DISC1: variants seen among roughly 807,000 people sequenced by gnomAD.
DISC1 encodes the protein DISC1 scaffold protein.
A neutral mutation model predicts 84.5 loss-of-function variants in DISC1; 57 were observed. The observed-to-expected ratio is 0.67, with a 90% CI of 0.55 to 0.84. The LOEUF is 0.84. DISC1 is among the 40% of genes least tolerant of loss of function. DISC1 has a pLI of 0.00. For missense variants in DISC1, 1,000 were observed against 1,057.8 expected (o/e 0.95, Z 0.76); for synonymous variants, 411 against 415.2 (o/e 0.99, Z 0.12).
At chr1:231,686,919 C>G (rs2064349567) in intron 1 of DISC1, among the ~76,000 whole-genome samples, 1 of 152,164 alleles carries the variant, frequency 6.6e-6, no homozygotes, top group Non-Finnish European at 1.5e-5. Context: ...TTCCACAAAT[C>G]TCTAGGGCAG....
At chr1:231,760,122 G>A (rs1183593886) in intron 4 of DISC1, among the ~76,000 whole-genome samples, 2 of 152,144 alleles carry the variant, frequency 1.3e-5, no homozygotes, top group Non-Finnish European at 2.9e-5. Context: ...AACAATGAAA[G>A]TCAGTTTCCT....
chr1:231,866,807 A>T, intron 9 of DISC1: 3 of 1,043,462 alleles, frequency 2.9e-6, no homozygotes, highest in African/African-American at 3.2e-5. Context: ...AAGTCATGAT[A>T]GTTTCTTAAT....
chr1:231,755,220 T>C (rs371764614), intron 4 of DISC1, among the ~76,000 whole-genome samples: 4 of 152,054 alleles, frequency 2.6e-5, no homozygotes, highest in Non-Finnish European at 4.4e-5. Context: ...TAATTTTTTT[T>C]TTTTGAGACA....
chr1:232,026,393 C>CA, intron 11 of DISC1, 42 bp from the exon 12 acceptor site: 5 of 1,375,410 alleles, frequency 3.6e-6, no homozygotes, highest in Non-Finnish European at 5.1e-6. Flanking sequence ...CTGTCTGTGT[C>CA]CACGGCACTA....
chr1:231,661,168 C>G (rs555044209), intron 1 of DISC1, among the ~76,000 whole-genome samples: 20 of 151,964 alleles, frequency 1.3e-4, no homozygotes, highest in African/African-American at 3.9e-4. Context: ...TTCTGGCTGC[C>G]CTTCACTTTT....
At chr1:231,888,552 G>A (rs978583664) in intron 9 of DISC1, among the ~76,000 whole-genome samples, 8 of 151,496 alleles carry the variant, frequency 5.3e-5, no homozygotes, top group South Asian at 2.1e-4. Flanking sequence ...TGGCTAACAC[G>A]GTGAAACCCC....
rs370699793 is a variant in DISC1, at chr1:231,895,501, G to A, written c.1982-63327G>A. Among the ~76,000 whole-genome samples, 8 of 151,882 alleles carry A rather than the reference G, an allele frequency of 5.3e-5. No individual in the cohort carries two copies. In the East Asian group the frequency reaches 9.7e-4, roughly 18 times the overall value. ...CTTACATTTTTCCCTCCTGTCATTT[G>A]TGTTACAGTTGTCATACTTTTACTT... On this transcript the variant is annotated intron_variant, in intron 9 of 12. Transcript: ENST00000439617.
At chr1:231,808,601 A>G (rs1005533306) in intron 8 of DISC1, among the ~76,000 whole-genome samples, 1 of 152,228 alleles carries the variant, frequency 6.6e-6, no homozygotes, top group Non-Finnish European at 1.5e-5. Context: ...GGAGATGGAC[A>G]TGGTATTTAC....
chr1:231,709,977 C>A (rs934462344), intron 3 of DISC1, among the ~76,000 whole-genome samples: 2 of 152,148 alleles, frequency 1.3e-5, no homozygotes, highest in African/African-American at 4.8e-5. Flanking sequence ...AGGAGGCTGC[C>A]TGGGATTCCA....
chr1:232,002,864 G>C (rs1558825884), intron 10 of DISC1, among the ~76,000 whole-genome samples: 1 of 152,016 alleles, frequency 6.6e-6, no homozygotes, highest in Non-Finnish European at 1.5e-5. Context: ...ACTTACATAA[G>C]TGATAAAATC....
chr1:231,904,998 T>C (rs1031145433), intron 9 of DISC1, among the ~76,000 whole-genome samples: 1 of 152,222 alleles, frequency 6.6e-6, no homozygotes, highest in Admixed American at 6.5e-5. Flanking sequence ...GAAGGTTTGA[T>C]GAGGAATGGA....
In DISC1 at chr1:231,982,101, A is replaced by G. The variant is rs528648095; in HGVS notation, c.2042+23213A>G. On this transcript the variant is annotated intron_variant, in intron 10 of 12. Coordinates refer to ENST00000439617, the MANE Select transcript of DISC1 (RefSeq NM_018662.3). ...ATGATTCCATGGAAAGCTGACCAGAATGATGATACTATTAGAGAAGAGAGA... is the reference window on the plus strand; with the variant it reads ...ATGATTCCATGGAAAGCTGACCAGAGTGATGATACTATTAGAGAAGAGAGA... Among the ~76,000 whole-genome samples the G allele has an allele frequency of 2.0e-5, 3 of 152,340 alleles. No homozygotes were observed. The South Asian group carries it at 6.2e-4, about 32-fold the overall frequency.
intron 9 of DISC1, among the ~76,000 whole-genome samples, chr1:231,863,037 C>A (rs1247569374): frequency 2.0e-5 from 3 of 151,946 alleles, no homozygotes; most frequent in African/African-American, 7.3e-5. Flanking sequence ...TAAAGTCGGT[C>A]ACCCCATTTT....
chr1:231,828,488 G>C (rs17767871), intron 9 of DISC1, among the ~76,000 whole-genome samples: 2,459 of 152,274 alleles, frequency 0.016, 27 homozygotes, highest in Middle Eastern at 0.037. Context: ...CTGCAAATCT[G>C]TCAGCCTTTG....
At chr1:231,800,270 A>T (rs2759354) in intron 8 of DISC1, 60 bp downstream of exon 8, 1 of 1,272,276 alleles carries the variant, frequency 7.9e-7, no homozygotes. Context: ...AGCTACCAGC[A>T]CATCGTGTTT....
intron 9 of DISC1, among the ~76,000 whole-genome samples, chr1:231,930,129 T>G (rs2090566756): frequency 6.6e-6 from 1 of 152,236 alleles, no homozygotes; most frequent in Non-Finnish European, 1.5e-5. Context: ...GAAAAGCATT[T>G]ATTTAATAGA....
At chr1:231,906,873 T>A (rs2088697765) in intron 9 of DISC1, among the ~76,000 whole-genome samples, 1 of 152,174 alleles carries the variant, frequency 6.6e-6, no homozygotes, top group Non-Finnish European at 1.5e-5. Context: ...ATCCTCCCAG[T>A]CAATCCCATG....
At chr1:231,637,581 T>G (rs1054469300) in intron 1 of DISC1, among the ~76,000 whole-genome samples, 1 of 151,574 alleles carries the variant, frequency 6.6e-6, no homozygotes, top group African/African-American at 2.4e-5. Context: ...CACTTGTAGG[T>G]GAGACCATGT....
At chr1:231,646,160 C>G (rs1360882540) in intron 1 of DISC1, among the ~76,000 whole-genome samples, 1 of 151,904 alleles carries the variant, frequency 6.6e-6, no homozygotes, top group Non-Finnish European at 1.5e-5. Flanking sequence ...CCACTCCCCC[C>G]ATGCCACAAC....
Sources: gnomAD v4.1 joint callset for allele counts (sites outside exome capture counted in the v4.1 genomes callset) on GRCh38, gnomAD v4.1.1 for gene constraint, MANE v1.5 for transcripts, NCBI Gene and HGNC (gene_info 2026-07-23, HGNC 2026-07-21) for gene names.